The following ADAM7 variants were observed in gnomAD, a reference collection of about 807,000 sequenced individuals.
ADAM7 encodes the protein ADAM metallopeptidase domain 7.
A neutral mutation model predicts 102.9 loss-of-function variants in ADAM7; 97 were observed. The ratio of observed to expected loss-of-function variants is 0.94; its 90% CI spans 0.80 to 1.12. The LOEUF is 1.12. ADAM7 is among the 50% of genes most tolerant of loss of function. The probability of loss-of-function intolerance (pLI) is 0.00; values close to 1 mark genes in which losing one functional copy is unlikely to be tolerated. For missense variants in ADAM7, 991 were observed against 908.7 expected (o/e 1.09, Z -1.16); for synonymous variants, 334 against 304.4 (o/e 1.10, Z -1.01).
chr8:24,507,351 GGAGC>G, intron 20 of ADAM7, 125 bp from the exon 21 acceptor site: 1 of 657,620 alleles, frequency 1.5e-6, no homozygotes, highest in Non-Finnish European at 2.7e-6. Context: ...GATTTTTCAT[GGAGC>G]AAGCAGAGGT....
chr8:24,461,486 T>A (rs1168304716), intron 3 of ADAM7, among the ~76,000 whole-genome samples: 1 of 152,222 alleles, frequency 6.6e-6, no homozygotes, highest in Non-Finnish European at 1.5e-5. Flanking sequence ...TGTGCAAAGG[T>A]GTGACTTTCT....
At position 24,509,525 on chromosome 8, in the gene ADAM7, G is replaced by A. The variant is rs1386111126; in HGVS notation, c.*979G>A. On this transcript the variant is annotated 3_prime_UTR_variant, in exon 22 of 22. Coordinates refer to ENST00000175238, the MANE Select transcript of ADAM7 (RefSeq NM_003817.4). ...TTCAAGTTCTAAATAAAAATATTCTGACTCGATGAAATAAATAAAGGCTAC... is the reference window on the plus strand; with the variant it reads ...TTCAAGTTCTAAATAAAAATATTCTAACTCGATGAAATAAATAAAGGCTAC... 3 of 983,974 alleles carry A rather than the reference G, an allele frequency of 3.0e-6. No homozygotes were observed. Among genetic ancestry groups the A allele is most frequent in the Non-Finnish European group, 2.4e-6 (2 of 828,826 alleles). The allele number at this position is 983,974 out of a possible 1,614,324, so 61.0% of individuals were successfully genotyped here.
chr8:24,503,679 T>C (rs769895070), intron 20 of ADAM7, among the ~76,000 whole-genome samples: 1 of 152,134 alleles, frequency 6.6e-6, no homozygotes, highest in African/African-American at 2.4e-5. Context: ...ATATATACCA[T>C]GGAATACTAT....
At chr8:24,453,015 G>A (rs1291730201) in intron 3 of ADAM7, among the ~76,000 whole-genome samples, 5 of 151,384 alleles carry the variant, frequency 3.3e-5, no homozygotes, top group Non-Finnish European at 7.4e-5. Flanking sequence ...TCTGCCGAGA[G>A]ATCTGCTGTT....
chr8:24,495,820 G>T (rs748767109), intron 16 of ADAM7, among the ~76,000 whole-genome samples: 1 of 152,152 alleles, frequency 6.6e-6, no homozygotes, highest in Non-Finnish European at 1.5e-5. Context: ...GTTTTATAAG[G>T]GAAGCAGAGC....
Position 24,499,303 on chromosome 8 carries a change from G to A in ADAM7, c.1910G>A (p.Cys637Tyr), listed in dbSNP as rs747454629. ...ATCTCAACCAATTGCCCCTCTCAGTGCAATGAAAATCCTGTAAGATATGAC... is the reference window on the plus strand; with the variant it reads ...ATCTCAACCAATTGCCCCTCTCAGTACAATGAAAATCCTGTAAGATATGAC... ...VYISTNCPSQ[C>Y]NENPVDGHGL... The change falls in exon 17 of 22, where the codon TGC (cysteine) becomes TAC (tyrosine). Residue 637 changes from cysteine to tyrosine, a missense_variant. Coordinates refer to ENST00000175238, the MANE Select transcript of ADAM7 (RefSeq NM_003817.4). 2 of 1,604,098 alleles carry A rather than the reference G, an allele frequency of 1.2e-6. No homozygotes were observed. The highest frequency in any genetic ancestry group is 8.5e-7 in the Non-Finnish European group (1 of 1,175,736).
At chr8:24,449,708 A>G (rs1292424287) in intron 3 of ADAM7, among the ~76,000 whole-genome samples, 1 of 152,046 alleles carries the variant, frequency 6.6e-6, no homozygotes, top group Non-Finnish European at 1.5e-5. Flanking sequence ...GGTGTTTTAG[A>G]CATGAAGTCC....
chr8:24,447,208 T>G lies in ADAM7; in HGVS notation c.179T>G (p.Leu60Trp). The change falls in exon 3 of 22, where the codon TTG becomes TGG. Residue 60 changes from leucine (L) to tryptophan (W), a missense_variant. By Grantham distance (61) the Leu-to-Trp change is moderately conservative. Coordinates refer to ENST00000175238, the MANE Select transcript of ADAM7 (RefSeq NM_003817.4). Reference sequence around the variant, plus strand: ...TAGAAAACGTATGAAGAAGAATTGTTGTATGAAATAAAACTAAATAGAAAA... The same window carrying G: ...TAGAAAACGTATGAAGAAGAATTGTGGTATGAAATAAAACTAAATAGAAAA... ...DILKTYEEEL[L>W]YEIKLNRKTL... 6.4e-7 allele frequency: 1 copy of G among 1,553,962 alleles called. No homozygotes were observed. Among genetic ancestry groups the G allele is most frequent in the Non-Finnish European group, 8.8e-7 (1 of 1,138,698 alleles).
chr8:24,442,752 G>A (rs1157836364), intron 2 of ADAM7, among the ~76,000 whole-genome samples, 176 bp downstream of exon 2: 1 of 152,192 alleles, frequency 6.6e-6, no homozygotes, highest in Non-Finnish European at 1.5e-5. Context: ...TTAGAAAACA[G>A]AAAAGAGTAA....
At chr8:24,498,020 T>C (rs1255792101) in intron 16 of ADAM7, among the ~76,000 whole-genome samples, 1 of 151,938 alleles carries the variant, frequency 6.6e-6, no homozygotes, top group African/African-American at 2.4e-5. Context: ...TAATAAAATA[T>C]ATTGTAATAT....
At chr8:24,483,041 G>T (rs918636145) in intron 9 of ADAM7, among the ~76,000 whole-genome samples, 1 of 152,038 alleles carries the variant, frequency 6.6e-6, no homozygotes, top group African/African-American at 2.4e-5. Flanking sequence ...CCTACCTGGT[G>T]GCCAGCCCTT....
intron 12 of ADAM7, 152 bp from the exon 13 acceptor site, chr8:24,490,647 C>G (rs887246660): frequency 2.0e-5 from 14 of 702,528 alleles, no homozygotes; most frequent in Admixed American, 2.9e-5. Context: ...AATACCCGTT[C>G]TAAACAGTAA....
chr8:24,458,955 G>T (rs1033980221), intron 3 of ADAM7, among the ~76,000 whole-genome samples: 3 of 151,680 alleles, frequency 2.0e-5, no homozygotes, highest in African/African-American at 7.3e-5. Context: ...CTTATTAAGG[G>T]TTTTTGAAAT....
intron 2 of ADAM7, among the ~76,000 whole-genome samples, chr8:24,444,152 A>G (rs1240063376): frequency 6.6e-6 from 1 of 150,896 alleles, no homozygotes; most frequent in African/African-American, 2.4e-5. Flanking sequence ...CCCGATGGCC[A>G]AAGCTGGGAT....
chr8:24,446,415 A>C (rs1211168969), intron 2 of ADAM7, among the ~76,000 whole-genome samples: 1 of 152,172 alleles, frequency 6.6e-6, no homozygotes, highest in Non-Finnish European at 1.5e-5. Flanking sequence ...ACTGCTATAA[A>C]TTGATGGTGA....
At chr8:24,504,345 G>T (rs1216741427) in intron 20 of ADAM7, among the ~76,000 whole-genome samples, 1 of 151,816 alleles carries the variant, frequency 6.6e-6, no homozygotes, top group Non-Finnish European at 1.5e-5. Context: ...TCCAACCTGG[G>T]CTACATAGTG....
At chr8:24,457,521 C>A (rs946143251) in intron 3 of ADAM7, among the ~76,000 whole-genome samples, 2 of 152,068 alleles carry the variant, frequency 1.3e-5, no homozygotes, top group African/African-American at 4.8e-5. Flanking sequence ...GGCAATCCAC[C>A]CGCCTTGGCC....
In ADAM7 at chr8:24,508,799, A is replaced by G; in HGVS notation, c.*253A>G. Reference sequence around the variant, plus strand: ...TGTGGTCTTTCAAATGCTCTTTAGCACAATATAAAAATTCGTAACCTTGCT... The same window carrying G: ...TGTGGTCTTTCAAATGCTCTTTAGCGCAATATAAAAATTCGTAACCTTGCT... On this transcript the variant is annotated 3_prime_UTR_variant, in exon 22 of 22. Transcript: ENST00000175238. 7.9e-7 allele frequency: 1 copy of G among 1,263,170 alleles called. No homozygotes were observed. The highest frequency in any genetic ancestry group is 3.2e-5 in the South Asian group (1 of 30,982). 78.2% of individuals were successfully genotyped at this position (1,263,170 alleles called of 1,614,324 possible). A position where few individuals can be genotyped will look rare whatever the true frequency, so the allele number is the denominator to read the frequency against.
chr8:24,499,740 C>G (rs112665475), intron 17 of ADAM7, among the ~76,000 whole-genome samples: 5 of 151,950 alleles, frequency 3.3e-5, no homozygotes, highest in African/African-American at 1.2e-4. Flanking sequence ...CAATTACTAA[C>G]AGTTAGTGCC....
Sources: gnomAD v4.1 joint callset for allele counts (sites outside exome capture counted in the v4.1 genomes callset) on GRCh38, gnomAD v4.1.1 for gene constraint, MANE v1.5 for transcripts, NCBI Gene and HGNC (gene_info 2026-07-23, HGNC 2026-07-21) for gene names.